Variants in NOX5 observed in about 807,000 individuals in gnomAD.
NOX5 encodes NADPH oxidase 5.
In NOX5, 76 loss-of-function variants were observed where a neutral mutation model predicts 85.7. The observed-to-expected ratio is 0.89, with a 90% CI of 0.74 to 1.07. The LOEUF is 1.07. Among genes scored for constraint, NOX5 ranks in the 50% least tolerant of loss-of-function variants. NOX5 has a pLI of 0.00. For missense variants in NOX5, 973 were observed against 999.5 expected, an observed-to-expected ratio of 0.97 and a Z score of 0.36; for synonymous variants, 405 against 401.4, an observed-to-expected ratio of 1.01 and a Z score of -0.11.
intron 3 of NOX5, 150 bp downstream of exon 3, chr15:69,028,515 C>T (rs1369551888): frequency 4.8e-5 from 29 of 609,638 alleles, no homozygotes; most frequent in Non-Finnish European, 7.5e-5. Flanking sequence ...CTGACACTTC[C>T]TTTCCTCACA....
chr15:69,044,515 G>A (rs539921049), intron 10 of NOX5, among the ~76,000 whole-genome samples: 12 of 152,218 alleles, frequency 7.9e-5, no homozygotes, highest in African/African-American at 1.2e-4. Flanking sequence ...TCAAAATGCC[G>A]AACAATAGGA....
chr15:69,016,312 C>T (rs529157205), intron 1 of NOX5, among the ~76,000 whole-genome samples: 4 of 152,240 alleles, frequency 2.6e-5, no homozygotes, highest in South Asian at 2.1e-4. Context: ...TCTCACCCCC[C>T]TCCTCCACAG....
At position 69,062,224 on chromosome 15, in the gene NOX5, T is replaced by G. The variant is rs552126431; in HGVS notation, c.*5528T>G. On this transcript the variant is annotated 3_prime_UTR_variant, in exon 16 of 16. Transcript: ENST00000388866. Reference sequence around the variant, plus strand: ...ACTGGCCCTGCCTTGGTTCAGTCCTTAAATTGCCTATTGCCTGAATTGGTG... The same window carrying G: ...ACTGGCCCTGCCTTGGTTCAGTCCTGAAATTGCCTATTGCCTGAATTGGTG... The G allele has an allele frequency of 6.6e-6, 1 of 152,136 alleles. No homozygotes were observed. The highest frequency in any genetic ancestry group is 2.4e-5 in the African/African-American group (1 of 41,540). The allele number at this position is 152,136 out of a possible 1,614,324, so 9.4% of individuals were successfully genotyped here.
chr15:69,035,432 C>T lies in NOX5; in HGVS notation c.934C>T (p.Gln312Ter). 3 of 1,614,198 alleles carry T rather than the reference C, an allele frequency of 1.9e-6. 1 individual carries two copies. Residue 312 changes from glutamine (Q) to a stop codon, truncating the protein, a stop_gained, in exon 6 of 16, where the codon CAG becomes TAG. Transcript: ENST00000388866. LOFTEE classifies it high-confidence loss of function. ...AGTCCTACCACTGGACCAGAACATC[C>T]AGTTCCACCAGCTTATGGGCTACGT... ...AQVLPLDQNIQFHQLMGYVVV... is the reference protein window; with the variant it reads ...AQVLPLDQNI
chr15:69,018,725 A>G (rs2050262648), intron 1 of NOX5, among the ~76,000 whole-genome samples: 1 of 152,140 alleles, frequency 6.6e-6, no homozygotes, highest in Admixed American at 6.5e-5. Flanking sequence ...GGGGGATAAG[A>G]GGCCAGTAAC....
rs2050556904 is a variant in NOX5 at position 69,038,901 on chromosome 15, A to G, written c.1416A>G (p.Arg472=). The G allele has an allele frequency of 6.2e-7, 1 of 1,613,728 alleles. No homozygotes were observed. Among genetic ancestry groups the G allele is most frequent in the Non-Finnish European group, 8.5e-7 (1 of 1,179,904 alleles). The change falls in exon 9 of 16, where the codon AGA becomes AGG. Residue 472 remains arginine (R), a synonymous_variant. Coordinates refer to ENST00000388866, the MANE Select transcript of NOX5 (RefSeq NM_024505.4). Reference sequence around the variant, plus strand: ...AGCGGCCCCCTTTTTTTCACTATAGACCTGGTGACTACTTGTATCTGAACA... The same window carrying G: ...AGCGGCCCCCTTTTTTTCACTATAGGCCTGGTGACTACTTGTATCTGAACA... ...LIKRPPFFHY[R]PGDYLYLNIP...
intron 1 of NOX5, among the ~76,000 whole-genome samples, chr15:69,015,487 G>C (rs1046134566): frequency 6.6e-6 from 1 of 152,134 alleles, no homozygotes; most frequent in Non-Finnish European, 1.5e-5. Context: ...GCCTTCCCGA[G>C]GGTCCCGAGA....
chr15:69,047,011 C>A (rs1474091748), intron 11 of NOX5, 145 bp downstream of exon 11: 2 of 749,924 alleles, frequency 2.7e-6, no homozygotes, highest in African/African-American at 3.5e-5. Context: ...GTATCCGGGT[C>A]ATGTAACCAC....
At chr15:69,017,567 C>T (rs1426787242) in intron 1 of NOX5, among the ~76,000 whole-genome samples, 3 of 152,146 alleles carry the variant, frequency 2.0e-5, no homozygotes, top group East Asian at 3.9e-4. Flanking sequence ...CCCACCTTTC[C>T]GGACAGAACC....
chr15:69,034,837 G>A (rs575243386), intron 5 of NOX5, among the ~76,000 whole-genome samples: 2 of 152,232 alleles, frequency 1.3e-5, no homozygotes, highest in Non-Finnish European at 2.9e-5. Flanking sequence ...CAAACGCCTG[G>A]GCTCAAGCAA....
intron 14 of NOX5, among the ~76,000 whole-genome samples, chr15:69,050,552 G>A (rs902606209): frequency 2.2e-4 from 33 of 152,100 alleles, no homozygotes; most frequent in Admixed American, 1.5e-3. Context: ...CTCCACGCCA[G>A]GCTAATTTTG....
At chr15:69,038,423 G>C in intron 8 of NOX5, 1 of 238,572 alleles carries the variant, frequency 4.2e-6, no homozygotes, top group Non-Finnish European at 8.1e-6. Flanking sequence ...GAGGCCTAGA[G>C]ATAACACAGT....
intron 15 of NOX5, among the ~76,000 whole-genome samples, chr15:69,056,307 C>G (rs948835514): frequency 1.3e-5 from 2 of 152,082 alleles, no homozygotes; most frequent in Admixed American, 6.5e-5. Flanking sequence ...GGGCCTGGGT[C>G]TTATTTATTT....
Position 69,014,741 on chromosome 15 carries a change from C to T in NOX5, c.6C>T (p.Asn2=), listed in dbSNP as rs1388768089. 2 of 1,550,460 alleles carry T rather than the reference C, an allele frequency of 1.3e-6. No homozygotes were observed. The highest frequency in any genetic ancestry group is 1.7e-6 in the Non-Finnish European group (2 of 1,146,978). The stretch of plus-strand genomic sequence containing the variant: ...GATCTAGAAGACAGGAGAAGATGAA[C>T]ACATCTGGAGACCCAGCCCAGACGG... M[N]TSGDPAQTGP... is the part of the protein sequence containing the mutation. The change falls in exon 1 of 16, where the codon AAC becomes AAT. Residue 2 remains asparagine (N), a synonymous_variant. Coordinates refer to ENST00000388866, the MANE Select transcript of NOX5 (RefSeq NM_024505.4).
At chr15:69,042,546 T>C in intron 9 of NOX5, 117 bp from the exon 10 acceptor site, 1 of 1,148,462 alleles carries the variant, frequency 8.7e-7, no homozygotes, top group South Asian at 1.5e-5. Flanking sequence ...GGAAGGACAT[T>C]CAAACCAGGA....
At chr15:69,036,065 AT>A in intron 7 of NOX5, 129 bp downstream of exon 7, 1 of 1,253,736 alleles carries the variant, frequency 8.0e-7, no homozygotes, top group African/African-American at 1.5e-5. Flanking sequence ...TTTGCATGTG[AT>A]TTGGGACCTG....
At chr15:69,051,974 G>A (rs950947424) in intron 14 of NOX5, among the ~76,000 whole-genome samples, 3 of 152,064 alleles carry the variant, frequency 2.0e-5, no homozygotes, top group Non-Finnish European at 2.9e-5. Context: ...AGTGCTTTGG[G>A]AGGCCAAGGT....
chr15:69,016,679 A>G (rs909090661), intron 1 of NOX5, among the ~76,000 whole-genome samples: 1 of 152,176 alleles, frequency 6.6e-6, no homozygotes, highest in Non-Finnish European at 1.5e-5. Context: ...CAGACATCCT[A>G]TGCCCTGTCA....
In NOX5 at chr15:69,042,755, AAGAGGCTGTCGAGG is replaced by A. The variant is rs1431458725; in HGVS notation, c.1600_1613del (p.Arg534CysfsTer14). 1.2e-6 allele frequency: 2 copies of A among 1,614,168 alleles called. No individual in the cohort carries two copies. The highest frequency in any genetic ancestry group is 1.7e-6 in the Non-Finnish European group (2 of 1,180,020). Reference sequence around the variant, plus strand: ...ATCAGACCCACTGGGCCGTGGTTCTAAGAGGCTGTCGAGGAGTGTGACAATGAGAAAGAGTCAAA... The same window carrying A: ...ATCAGACCCACTGGGCCGTGGTTCTAAGTGTGACAATGAGAAAGAGTCAAA... On this transcript the variant is annotated frameshift_variant, in exon 10 of 16. Coordinates refer to ENST00000388866, the MANE Select transcript of NOX5 (RefSeq NM_024505.4). LOFTEE classifies it high-confidence loss of function.
Sources: allele counts gnomAD v4.1 joint callset (sites outside exome capture counted in the v4.1 genomes callset), GRCh38; gene constraint gnomAD v4.1.1; transcripts MANE v1.5; gene names NCBI Gene and HGNC (gene_info 2026-07-23, HGNC 2026-07-21).